Variants in MYCBP2 observed in about 807,000 individuals in gnomAD.
MYCBP2 encodes MYC binding protein 2.
A neutral mutation model predicts 525.3 loss-of-function variants in MYCBP2; 120 were observed. That is an observed-to-expected ratio of 0.23 (90% confidence interval 0.20 to 0.27). The LOEUF (loss-of-function observed/expected upper bound fraction) is 0.27, where lower values mean the gene tolerates loss of function less well. Ranked by LOEUF, MYCBP2 falls within the 10% of genes least tolerant of loss-of-function variation. The pLI is 1.00. For missense variants in MYCBP2, 4,149 were observed against 5,657.1 expected (o/e 0.73, Z 8.55); for synonymous variants, 1,894 against 1,955.8 (o/e 0.97, Z 0.83).
intron 20 of MYCBP2, among the ~76,000 whole-genome samples, chr13:77,218,439 A>T (rs1434749112): frequency 3.3e-5 from 5 of 152,190 alleles, no homozygotes; most frequent in Non-Finnish European, 1.5e-5. Context: ...GAGTCAAAAC[A>T]CAGTATCATG....
Position 77,058,132 on chromosome 13 carries a change from G to A in MYCBP2, c.13329+86C>T, listed in dbSNP as rs548733361. On this transcript the variant is annotated intron_variant, in intron 78 of 82. Coordinates refer to ENST00000544440, the MANE Select transcript of MYCBP2 (RefSeq NM_015057.5). The surrounding 1 kb of genome is among the most constrained non-coding windows in gnomAD (Gnocchi z 4.1). Reference sequence around the variant, plus strand: ...TGGGATTACAGGCATGAGCCACTGCGCCCGGCCTCAATCAATGTTTATTTG... The same window carrying A: ...TGGGATTACAGGCATGAGCCACTGCACCCGGCCTCAATCAATGTTTATTTG... 1.6e-5 allele frequency: 23 copies of A among 1,461,852 alleles called. No homozygotes were observed. Among genetic ancestry groups the A allele is most frequent in the East Asian group, 2.4e-5 (1 of 42,422 alleles). 90.6% of individuals were successfully genotyped at this position (1,461,852 alleles called of 1,614,324 possible).
rs1167660144 is a variant in MYCBP2, at chr13:77,064,745, G to A, written c.12553-11C>T. 1.2e-6 allele frequency: 2 copies of A among 1,604,986 alleles called. No individual in the cohort carries two copies. Among genetic ancestry groups the A allele is most frequent in the East Asian group, 2.2e-5 (1 of 44,610 alleles). ...TTCTGACAGATGACCCTATTGAGCA[G>A]AACAGAGTATTTTAATAAGTGACCA... On this transcript the variant is annotated splice_polypyrimidine_tract_variant and intron_variant, in intron 72 of 82. Transcript: ENST00000544440.
chr13:77,211,340 T>C lies in MYCBP2; in HGVS notation c.3263-20A>G, dbSNP rs760444474. On this transcript the variant is annotated intron_variant, in intron 22 of 82. Transcript: ENST00000544440. ...CCAAGCCTTAAGAAAAAAATATTTATATATAATTTTAATATATATTACCCT... is the reference window on the plus strand; with the variant it reads ...CCAAGCCTTAAGAAAAAAATATTTACATATAATTTTAATATATATTACCCT... 2 of 1,212,568 alleles carry C rather than the reference T, an allele frequency of 1.6e-6. No homozygotes were observed. Among genetic ancestry groups the C allele is most frequent in the Non-Finnish European group, 2.1e-6 (2 of 948,012 alleles). The allele number at this position is 1,212,568 out of a possible 1,614,324, so 75.1% of individuals were successfully genotyped here.
chr13:77,089,957 T>C, intron 60 of MYCBP2, 149 bp downstream of exon 60: 2 of 624,930 alleles, frequency 3.2e-6, no homozygotes, highest in South Asian at 6.3e-5. Context: ...TATAGCTATG[T>C]CATATAGAAG....
Position 77,066,080 on chromosome 13 carries a change from C to A in MYCBP2, c.12464G>T (p.Arg4155Leu). Residue 4155 changes from arginine (R) to leucine (L), a missense_variant, in exon 72 of 83, where the codon CGA (arginine) becomes CTA (leucine). This residue lies in a region of MYCBP2 where 148 missense variants were observed against 179.4 expected (regional missense o/e 0.82). Coordinates refer to ENST00000544440, the MANE Select transcript of MYCBP2 (RefSeq NM_015057.5). Reference sequence around the variant, plus strand: ...CATCCACCAATGACTTTCACCTCGTCGGAGATAACTACAAGAAAAATTAGC... The same window carrying A: ...CATCCACCAATGACTTTCACCTCGTAGGAGATAACTACAAGAAAAATTAGC... Reference protein sequence around the residue: ...LPMIFNSSYLRRGESHWWMKG... With the variant: ...LPMIFNSSYLLRGESHWWMKG... 1 of 1,610,470 alleles carries A rather than the reference C, an allele frequency of 6.2e-7. No individual in the cohort carries two copies. Among genetic ancestry groups the A allele is most frequent in the Non-Finnish European group, 8.5e-7 (1 of 1,177,720 alleles).
chr13:77,077,542 A>T, intron 66 of MYCBP2, 155 bp from the exon 67 acceptor site: 1 of 842,038 alleles, frequency 1.2e-6, no homozygotes, highest in Middle Eastern at 3.8e-4. Flanking sequence ...TATTTCAACC[A>T]GGTGAAGATA....
chr13:77,294,115 T>TATATAC lies in MYCBP2; in HGVS notation c.378+2483_378+2484insGTATAT, dbSNP rs1555465634. ...AGTAGATATAATGGCTATATATATA[T>TATATAC]ATATATATATATATACATATATATA... On this transcript the variant is annotated intron_variant, in intron 2 of 82. Coordinates refer to ENST00000544440, the MANE Select transcript of MYCBP2 (RefSeq NM_015057.5). Among the ~76,000 whole-genome samples the TATATAC allele has an allele frequency of 2.2e-4, 12 of 53,798 alleles. 1 individual carries two copies. Among genetic ancestry groups the TATATAC allele is most frequent in the East Asian group, 5.5e-4 (1 of 1,820 alleles). The allele number at this position is 53,798 out of a possible 152,430, so 35.3% of individuals were successfully genotyped here.
intron 46 of MYCBP2, among the ~76,000 whole-genome samples, chr13:77,152,828 G>A (rs2056675578): frequency 6.6e-6 from 1 of 152,144 alleles, no homozygotes; most frequent in Non-Finnish European, 1.5e-5. Context: ...CACTTTTGGA[G>A]TCTGAGGCGG....
chr13:77,076,898 T>G, intron 67 of MYCBP2, 49 bp from the exon 68 acceptor site: 2 of 1,397,896 alleles, frequency 1.4e-6, no homozygotes. Context: ...GCATTAACAC[T>G]ATATTGGCCA....
chr13:77,062,559 G>A (rs759065340), intron 74 of MYCBP2, 37 bp downstream of exon 74: 13 of 1,554,868 alleles, frequency 8.4e-6, no homozygotes, highest in Admixed American at 1.7e-5. Flanking sequence ...TACTGTAAAG[G>A]AAAGCAAGAT....
chr13:77,189,025 C>T lies in MYCBP2; in HGVS notation c.4177G>A (p.Ala1393Thr). Reference sequence around the variant, plus strand: ...CTGGTTTGCTGTTTGCCTTTTGAAGCACTGCCATCACTGGTTGGAAGTCTA... The same window carrying T: ...CTGGTTTGCTGTTTGCCTTTTGAAGTACTGCCATCACTGGTTGGAAGTCTA... The part of the protein sequence containing the change: ...LYRLPTSDGS[A>T]SKGKQQTSEP... The change falls in exon 30 of 83, where the codon GCT becomes ACT. Residue 1393 changes from alanine to threonine, a missense_variant. Ala to Thr is a moderately conservative substitution (Grantham distance 58). This residue lies in a region of MYCBP2 where 292 missense variants were observed against 330.5 expected (regional missense o/e 0.88). Coordinates refer to ENST00000544440, the MANE Select transcript of MYCBP2 (RefSeq NM_015057.5). 1 of 1,609,926 alleles carries T rather than the reference C, an allele frequency of 6.2e-7. No individual in the cohort carries two copies. Among genetic ancestry groups the T allele is most frequent in the South Asian group, 1.1e-5 (1 of 90,618 alleles).
intron 59 of MYCBP2, among the ~76,000 whole-genome samples, chr13:77,091,334 GT>G (rs1345193555): frequency 1.3e-5 from 2 of 151,496 alleles, no homozygotes; most frequent in African/African-American, 4.9e-5. Context: ...TTTATATATG[GT>G]GTTACTATAA....
intron 49 of MYCBP2, among the ~76,000 whole-genome samples, chr13:77,142,487 A>G (rs2054843588): frequency 6.6e-6 from 1 of 152,244 alleles, no homozygotes; most frequent in East Asian, 1.9e-4. Context: ...ACATCAATGT[A>G]AAGTACCTCT....
At chr13:77,127,228 CTA>C (rs1465002159) in intron 52 of MYCBP2, among the ~76,000 whole-genome samples, 1 of 151,836 alleles carries the variant, frequency 6.6e-6, no homozygotes, top group Non-Finnish European at 1.5e-5. Flanking sequence ...GAAAAACAGA[CTA>C]TATTTTTAGT....
At chr13:77,118,411 G>A (rs781626189) in intron 55 of MYCBP2, 3 of 764,488 alleles carry the variant, frequency 3.9e-6, no homozygotes, top group Non-Finnish European at 4.8e-6. Flanking sequence ...GGAAGAGGGA[G>A]GTTTTGCAGC....
intron 26 of MYCBP2, among the ~76,000 whole-genome samples, chr13:77,196,274 G>A (rs2061743515): frequency 6.6e-6 from 1 of 152,206 alleles, no homozygotes; most frequent in Non-Finnish European, 1.5e-5. Context: ...AGGTCAGAGA[G>A]GTGATGACAG....
chr13:77,089,137 A>C, intron 60 of MYCBP2, 106 bp from the exon 61 acceptor site: 1 of 801,116 alleles, frequency 1.2e-6, no homozygotes, highest in African/African-American at 1.7e-5. Flanking sequence ...GGTTTTTTGA[A>C]CATGACACAA....
In MYCBP2 at chr13:77,169,665, C is replaced by G; in HGVS notation, c.5844G>C (p.Leu1948=). 6.2e-7 allele frequency: 1 copy of G among 1,613,906 alleles called. No homozygotes were observed. Among genetic ancestry groups the G allele is most frequent in the Non-Finnish European group, 8.5e-7 (1 of 1,179,968 alleles). The change falls in exon 39 of 83, where the codon CTG becomes CTC. Residue 1948 remains leucine, a synonymous_variant. Transcript: ENST00000544440. The part of the protein sequence containing the change: ...LLSSSSLFSM[L]LPLIIAYIGP... ...CTATGTAGGCTATAATAAGGGGGAG[C>G]AGCATGGAAAACAGACTGGAAGAAC...
In MYCBP2 at chr13:77,181,816, G is replaced by C. The variant is rs184644578; in HGVS notation, c.4826C>G (p.Ala1609Gly). The change falls in exon 33 of 83, where the codon GCG (alanine) becomes GGG (glycine). Residue 1609 changes from alanine to glycine, a missense_variant. Physicochemically the swap from Ala to Gly is moderately conservative, Grantham distance 60. Transcript: ENST00000544440. ...TCGTAGTAATACTTCTCCATCATAC[G>C]CAATCGGGAAGATGGAAGTCAGCTT... is the stretch of plus-strand genomic sequence containing the variant. ...SVKLTSIFPI[A>G]YDGEVLLRSI... is the part of the protein sequence containing the mutation. 5 of 1,613,812 alleles carry C rather than the reference G, an allele frequency of 3.1e-6. No homozygotes were observed. Among genetic ancestry groups the C allele is most frequent in the Non-Finnish European group, 4.2e-6 (5 of 1,179,888 alleles).
Sources: gnomAD v4.1 joint callset for allele counts (sites outside exome capture counted in the v4.1 genomes callset) on GRCh38, gnomAD v4.1.1 for gene constraint, gnomAD v4.1.1 regional missense constraint, Gnocchi (gnomAD v3.1) non-coding constraint, MANE v1.5 for transcripts, NCBI Gene and HGNC (gene_info 2026-07-23, HGNC 2026-07-21) for gene names.